SVOPL: variants seen among roughly 807,000 people sequenced by gnomAD.
The protein encoded by SVOPL is putative transporter SVOPL.
SVOPL carries 60 observed loss-of-function variants against 61.0 expected under a neutral mutation model. That is an observed-to-expected ratio of 0.98 (90% CI 0.80 to 1.22). The LOEUF (loss-of-function observed/expected upper bound fraction) is 1.22. SVOPL is among the 50% of genes most tolerant of loss of function. The probability of loss-of-function intolerance (pLI) is 0.00; values close to 1 mark genes in which losing one functional copy is unlikely to be tolerated. For missense variants in SVOPL, 662 were observed against 643.9 expected, an observed-to-expected ratio of 1.03 and a Z score of -0.30; for synonymous variants, 279 against 250.0, an observed-to-expected ratio of 1.12 and a Z score of -1.09.
At chr7:138,684,032 G>A (rs1159201681) in intron 1 of SVOPL, among the ~76,000 whole-genome samples, 1 of 150,812 alleles carries the variant, frequency 6.6e-6, no homozygotes, top group African/African-American at 2.4e-5. Flanking sequence ...CAGCCTGGGT[G>A]ACAGAATGGG....
intron 8 of SVOPL, among the ~76,000 whole-genome samples, chr7:138,645,250 G>C (rs115775359): frequency 0.015 from 2,253 of 152,170 alleles, 60 homozygotes; most frequent in African/African-American, 0.052. Flanking sequence ...GGGGGCTCCA[G>C]CACCCACACG....
chr7:138,652,622 T>C (rs1477713053), intron 7 of SVOPL, among the ~76,000 whole-genome samples: 3 of 152,148 alleles, frequency 2.0e-5, no homozygotes, highest in Non-Finnish European at 4.4e-5. Flanking sequence ...AGTTCTTTTT[T>C]TTTTTCTTTT....
intron 1 of SVOPL, among the ~76,000 whole-genome samples, chr7:138,689,951 C>G (rs974192657): frequency 1.3e-5 from 2 of 151,834 alleles, no homozygotes; most frequent in Non-Finnish European, 2.9e-5. Flanking sequence ...AATTTGGACA[C>G]AGAGACAGCA....
At chr7:138,663,712 A>C (rs1484168594) in intron 4 of SVOPL, 1 of 651,736 alleles carries the variant, frequency 1.5e-6, no homozygotes, top group Non-Finnish European at 1.9e-6. Flanking sequence ...TTTATTTATT[A>C]TAACTTGGCC....
At chr7:138,651,434 C>T (rs537558069) in intron 7 of SVOPL, among the ~76,000 whole-genome samples, 2 of 152,186 alleles carry the variant, frequency 1.3e-5, no homozygotes, top group South Asian at 2.1e-4. Flanking sequence ...TGCACAGGCA[C>T]ACCTCCTTTT....
intron 9 of SVOPL, among the ~76,000 whole-genome samples, chr7:138,634,065 C>T (rs146752490): frequency 1.8e-4 from 27 of 152,314 alleles, no homozygotes; most frequent in South Asian, 8.3e-4. Context: ...ATGATCCTGC[C>T]AGCCCTAGCA....
chr7:138,626,200 T>C (rs1461366009), intron 12 of SVOPL, 150 bp from the exon 13 acceptor site: 1 of 708,830 alleles, frequency 1.4e-6, no homozygotes. Flanking sequence ...GGCCTGATTG[T>C]GGGGTCCTTA....
intron 4 of SVOPL, among the ~76,000 whole-genome samples, chr7:138,669,129 T>C (rs1563131707): frequency 6.6e-6 from 1 of 152,178 alleles, no homozygotes; most frequent in East Asian, 1.9e-4. Flanking sequence ...GCAGTTTCCT[T>C]ATCTGACCAA....
chr7:138,663,001 A>T, intron 5 of SVOPL, 73 bp downstream of exon 5: 1 of 1,605,346 alleles, frequency 6.2e-7, no homozygotes, highest in Non-Finnish European at 8.5e-7. Flanking sequence ...TACTAAAGAG[A>T]AACAGTGATA....
intron 4 of SVOPL, among the ~76,000 whole-genome samples, chr7:138,671,430 C>A (rs1456125000): frequency 1.3e-5 from 2 of 152,222 alleles, no homozygotes; most frequent in African/African-American, 2.4e-5. Flanking sequence ...TCACTGCAAC[C>A]TCCTCCTCCC....
rs369819851 is a variant in SVOPL at position 138,621,063 on chromosome 7, C to T, written c.1336G>A (p.Ala446Thr). ...GSLCRIGAMV[A>T]PFISQVLMSA... is the part of the protein sequence containing the mutation. ...GGCTGTACCTGGGATATAAATGGTG[C>T]CACCATTGCACCAATGCGACACAGG... The change falls in exon 14 of 16, where the codon GCA (alanine) becomes ACA (threonine). Residue 446 changes from alanine to threonine, a missense_variant. Ala to Thr is a moderately conservative substitution (Grantham distance 58, BLOSUM62 0). Coordinates refer to ENST00000674285, the MANE Select transcript of SVOPL (RefSeq NM_001139456.2). The T allele has an allele frequency of 3.1e-6, 5 of 1,613,622 alleles. No individual in the cohort carries two copies. The highest frequency in any genetic ancestry group is 2.2e-5 in the East Asian group (1 of 44,834).
chr7:138,652,752 G>A (rs765369598), intron 7 of SVOPL, among the ~76,000 whole-genome samples: 2 of 152,004 alleles, frequency 1.3e-5, no homozygotes, highest in Non-Finnish European at 2.9e-5. Context: ...AGTCTCCCAA[G>A]TAGCTGGGAT....
At chr7:138,683,581 C>A (rs543540687) in intron 1 of SVOPL, among the ~76,000 whole-genome samples, 3 of 151,966 alleles carry the variant, frequency 2.0e-5, no homozygotes, top group Non-Finnish European at 4.4e-5. Context: ...GTTGGCCAGG[C>A]TGGTCTTGAA....
chr7:138,671,244 A>G (rs1252530133), intron 4 of SVOPL, among the ~76,000 whole-genome samples: 1 of 152,186 alleles, frequency 6.6e-6, no homozygotes, highest in African/African-American at 2.4e-5. Flanking sequence ...ACAACGTGAT[A>G]CTGCTTGTAG....
At chr7:138,699,181 G>A (rs1238784861) in intron 1 of SVOPL, among the ~76,000 whole-genome samples, 2 of 152,100 alleles carry the variant, frequency 1.3e-5, no homozygotes, top group Non-Finnish European at 2.9e-5. Flanking sequence ...GGTAGCGGGT[G>A]TAGTCCCAGC....
At chr7:138,601,353 T>C (rs1192935134) in intron 14 of SVOPL, among the ~76,000 whole-genome samples, 1 of 151,494 alleles carries the variant, frequency 6.6e-6, no homozygotes, top group Admixed American at 6.6e-5. Flanking sequence ...AGTCAAAATA[T>C]GGAAACAAGT....
chr7:138,653,358 T>A (rs1300448645), intron 7 of SVOPL, among the ~76,000 whole-genome samples: 1 of 152,160 alleles, frequency 6.6e-6, no homozygotes, highest in Non-Finnish European at 1.5e-5. Flanking sequence ...ATGCAGGACA[T>A]TCACGGCTAC....
intron 13 of SVOPL, among the ~76,000 whole-genome samples, chr7:138,624,203 G>A (rs570014927): frequency 4.8e-4 from 73 of 152,326 alleles, no homozygotes; most frequent in Middle Eastern, 6.8e-3. Context: ...CAGAGCTGGA[G>A]TAAAATTTAT....
At chr7:138,683,449 C>A (rs1802741346) in intron 1 of SVOPL, among the ~76,000 whole-genome samples, 1 of 152,070 alleles carries the variant, frequency 6.6e-6, no homozygotes, top group Non-Finnish European at 1.5e-5. Flanking sequence ...CTCACTGCAA[C>A]CTCTGCCCCC....
Sources: gnomAD v4.1 joint callset for allele counts (sites outside exome capture counted in the v4.1 genomes callset) on GRCh38, gnomAD v4.1.1 for gene constraint, MANE v1.5 for transcripts, NCBI Gene and HGNC (gene_info 2026-07-23, HGNC 2026-07-21) for gene names.